The following AOPEP variants were observed in gnomAD, a reference collection of about 807,000 sequenced individuals.
AOPEP encodes the protein aminopeptidase O (putative), also known as aminopeptidase O.
In AOPEP, 77 loss-of-function variants were observed where a neutral mutation model predicts 98.1. The observed-to-expected ratio is 0.78, with a 90% CI of 0.65 to 0.95. AOPEP has a LOEUF of 0.95. AOPEP is among the 40% of genes least tolerant of loss of function. The pLI, the probability that AOPEP is intolerant of heterozygous loss-of-function variation, is 0.00. For missense variants in AOPEP, 1,024 were observed against 1,024.7 expected (o/e 1.00, Z 0.01); for synonymous variants, 346 against 365.3 (o/e 0.95, Z 0.60).
intron 13 of AOPEP, among the ~76,000 whole-genome samples, chr9:95,053,507 GT>G (rs762741120): frequency 6.6e-6 from 1 of 151,930 alleles, no homozygotes; most frequent in Non-Finnish European, 1.5e-5. Flanking sequence ...TCAACCAACC[GT>G]TTTTTTACAG....
At chr9:95,041,018 A>C (rs1212958400) in intron 13 of AOPEP, among the ~76,000 whole-genome samples, 1 of 149,484 alleles carries the variant, frequency 6.7e-6, no homozygotes, top group East Asian at 2.0e-4. Flanking sequence ...ATAATCAGGG[A>C]GTTCCATGAC....
intron 5 of AOPEP, among the ~76,000 whole-genome samples, chr9:94,879,460 G>A (rs550745038): frequency 7.9e-5 from 12 of 152,186 alleles, no homozygotes; most frequent in Non-Finnish European, 1.3e-4. Flanking sequence ...AAAGGCAATG[G>A]TAGTATCACT....
chr9:94,751,261 A>G (rs1835704414), intron 1 of AOPEP, among the ~76,000 whole-genome samples: 2 of 152,244 alleles, frequency 1.3e-5, no homozygotes, highest in East Asian at 1.9e-4. Flanking sequence ...CTTTTTGTCT[A>G]GAGTTTATAA....
chr9:94,943,650 G>T (rs1489091405), intron 7 of AOPEP, among the ~76,000 whole-genome samples: 3 of 149,008 alleles, frequency 2.0e-5, no homozygotes, highest in African/African-American at 7.4e-5. Context: ...TGGGCACAGT[G>T]GCTCATGCCT....
At chr9:94,891,935 G>A (rs2048924943) in intron 5 of AOPEP, among the ~76,000 whole-genome samples, 1 of 152,114 alleles carries the variant, frequency 6.6e-6, no homozygotes, top group Non-Finnish European at 1.5e-5. Context: ...ATCTTAGAAT[G>A]TCTTTATTTC....
the AOPEP span, among the ~76,000 whole-genome samples, chr9:95,142,062 G>A: frequency 0.4 from 55,758 of 139,976 alleles, 11,204 homozygotes; most frequent in East Asian, 0.6. Context: ...GCACGATCTC[G>A]GCTCACTACA....
chr9:94,849,102 T>C (rs1283032816), intron 5 of AOPEP, among the ~76,000 whole-genome samples: 1 of 152,236 alleles, frequency 6.6e-6, no homozygotes, highest in Non-Finnish European at 1.5e-5. Context: ...TTAAGAGGCA[T>C]CCTGAGTTCA....
At chr9:95,011,585 G>T (rs2062528349) in intron 13 of AOPEP, among the ~76,000 whole-genome samples, 1 of 152,074 alleles carries the variant, frequency 6.6e-6, no homozygotes, top group Admixed American at 6.5e-5. Context: ...TGAGGCAGGA[G>T]GATCACTTCA....
At chr9:94,747,888 C>T (rs1834875399) in intron 1 of AOPEP, among the ~76,000 whole-genome samples, 1 of 152,016 alleles carries the variant, frequency 6.6e-6, no homozygotes, top group African/African-American at 2.4e-5. Context: ...AGGAGGAAGC[C>T]AGTAGATATT....
chr9:95,016,541 C>G (rs574578045), intron 13 of AOPEP, among the ~76,000 whole-genome samples: 1 of 152,016 alleles, frequency 6.6e-6, no homozygotes, highest in East Asian at 1.9e-4. Context: ...CCGCGCCAGG[C>G]CCTTTTGTGA....
intron 5 of AOPEP, among the ~76,000 whole-genome samples, chr9:94,907,273 G>T (rs2051288691): frequency 6.6e-6 from 1 of 152,206 alleles, no homozygotes. Flanking sequence ...CTGCAGGCAT[G>T]TGTGGAGCAT....
intron 5 of AOPEP, among the ~76,000 whole-genome samples, chr9:94,830,252 C>T (rs1855653387): frequency 6.6e-6 from 1 of 152,216 alleles, no homozygotes; most frequent in Non-Finnish European, 1.5e-5. Flanking sequence ...TCCATATCTT[C>T]TCATCATTCA....
At position 94,783,395 on chromosome 9, in the gene AOPEP, G is replaced by A. The variant is rs1843709218; in HGVS notation, c.965-9370G>A. Among the ~76,000 whole-genome samples the A allele has an allele frequency of 2.0e-5, 3 of 152,318 alleles. No individual in the cohort carries two copies. The South Asian group carries it at 6.2e-4, about 32-fold the overall frequency. On this transcript the variant is annotated intron_variant, in intron 3 of 16. Coordinates refer to ENST00000375315, the MANE Select transcript of AOPEP (RefSeq NM_001193329.3). ...TGACCTGGCACATTGCCCTGGTTAG[G>A]CAATGCTGGTGCCCAGGGCGTCTTA...
At chr9:94,838,103 G>A (rs976219187) in intron 5 of AOPEP, among the ~76,000 whole-genome samples, 5 of 152,064 alleles carry the variant, frequency 3.3e-5, no homozygotes, top group African/African-American at 1.2e-4. Context: ...CCGCCTCCTG[G>A]GTTCACGCCA....
chr9:95,092,134 T>C (rs2070876226), downstream of AOPEP, among the ~76,000 whole-genome samples: 2 of 151,716 alleles, frequency 1.3e-5, no homozygotes, highest in East Asian at 1.9e-4. Flanking sequence ...AATGCAGAAA[T>C]GCAGAGAAAG....
chr9:94,890,658 C>T (rs1443299401), intron 5 of AOPEP, among the ~76,000 whole-genome samples: 1 of 152,106 alleles, frequency 6.6e-6, no homozygotes, highest in East Asian at 1.9e-4. Flanking sequence ...TTAGCTGCAT[C>T]CCACAAACTT....
chr9:94,826,694 A>G (rs1564204468), intron 5 of AOPEP, among the ~76,000 whole-genome samples: 1 of 151,948 alleles, frequency 6.6e-6, no homozygotes, highest in Non-Finnish European at 1.5e-5. Flanking sequence ...ATGTCATGTG[A>G]TAATAATGAT....
At chr9:94,896,873 G>A (rs1480139468) in intron 5 of AOPEP, among the ~76,000 whole-genome samples, 1 of 148,668 alleles carries the variant, frequency 6.7e-6, no homozygotes, top group African/African-American at 2.5e-5. Flanking sequence ...AATTGTATTA[G>A]CATTGTACAT....
At chr9:95,121,067 CTT>C in the AOPEP span, among the ~76,000 whole-genome samples, 1 of 152,214 alleles carries the variant, frequency 6.6e-6, no homozygotes, top group Admixed American at 6.5e-5. Flanking sequence ...TTTCTGTCCA[CTT>C]TTTCAGGTGC....
Sources: gnomAD v4.1 joint callset for allele counts (sites outside exome capture counted in the v4.1 genomes callset) on GRCh38, gnomAD v4.1.1 for gene constraint, MANE v1.5 for transcripts, NCBI Gene and HGNC (gene_info 2026-07-23, HGNC 2026-07-21) for gene names.